SPECC1L: variants seen among roughly 807,000 people sequenced by gnomAD.
SPECC1L encodes the protein cytospin-A.
A neutral mutation model predicts 116.8 loss-of-function variants in SPECC1L; 40 were observed. The observed-to-expected ratio is 0.34, with a 90% confidence interval of 0.27 to 0.45. The LOEUF is 0.45. Ranked by LOEUF, SPECC1L falls within the 20% of genes least tolerant of loss-of-function variation. SPECC1L has a pLI of 1.00. For synonymous variants in SPECC1L, 504 were observed against 500.6 expected, an observed-to-expected ratio of 1.01 and a Z score of -0.09; for missense variants, 1,110 against 1,373.6, an observed-to-expected ratio of 0.81 and a Z score of 3.03.
chr22:24,407,680 C>T (rs1321615982), intron 14 of SPECC1L, among the ~76,000 whole-genome samples: 4 of 152,206 alleles, frequency 2.6e-5, no homozygotes, highest in Non-Finnish European at 4.4e-5. Context: ...AAGGATGCCT[C>T]TTTCATCAAG....
chr22:24,316,205 G>C (rs1014805723), intron 4 of SPECC1L, among the ~76,000 whole-genome samples: 6 of 152,022 alleles, frequency 3.9e-5, no homozygotes, highest in Non-Finnish European at 8.8e-5. Context: ...AGATTATTCT[G>C]TCTACTCATT....
chr22:24,381,620 C>T (rs1432236433), intron 14 of SPECC1L, among the ~76,000 whole-genome samples: 2 of 152,004 alleles, frequency 1.3e-5, no homozygotes, highest in Non-Finnish European at 2.9e-5. Context: ...CGTGGTGGCT[C>T]ATGCCTGTAA....
intron 2 of SPECC1L, among the ~76,000 whole-genome samples, chr22:24,301,973 G>A (rs2049388853): frequency 6.6e-6 from 1 of 151,966 alleles, no homozygotes; most frequent in Non-Finnish European, 1.5e-5. Flanking sequence ...GTGAACCCGG[G>A]AGGCGGAGCT....
At chr22:24,278,337 G>A (rs556887395) in intron 2 of SPECC1L, among the ~76,000 whole-genome samples, 2 of 152,282 alleles carry the variant, frequency 1.3e-5, no homozygotes, top group South Asian at 4.1e-4. Flanking sequence ...CTGTAGCCTG[G>A]GTGTCAGAGC....
chr22:24,290,183 G>A (rs575122642), intron 2 of SPECC1L, among the ~76,000 whole-genome samples: 1 of 152,324 alleles, frequency 6.6e-6, no homozygotes, highest in African/African-American at 2.4e-5. Flanking sequence ...GGTTGGACAG[G>A]CAGAAAGGAG....
At chr22:24,288,526 A>G (rs988691021) in intron 2 of SPECC1L, among the ~76,000 whole-genome samples, 1 of 151,778 alleles carries the variant, frequency 6.6e-6, no homozygotes, top group African/African-American at 2.4e-5. Flanking sequence ...ATGCTTGTTG[A>G]AAAAAAGACT....
At chr22:24,299,800 G>T (rs1201359704) in intron 2 of SPECC1L, among the ~76,000 whole-genome samples, 1 of 151,574 alleles carries the variant, frequency 6.6e-6, no homozygotes, top group Non-Finnish European at 1.5e-5. Flanking sequence ...TATATTCACA[G>T]TATTGTGCAA....
chr22:24,343,297 A>G (rs972829943), intron 10 of SPECC1L, among the ~76,000 whole-genome samples: 1 of 152,228 alleles, frequency 6.6e-6, no homozygotes, highest in South Asian at 2.1e-4. Flanking sequence ...AAAGCAAGAC[A>G]AGCGTATATA....
chr22:24,346,430 G>A (rs527650500), intron 10 of SPECC1L, among the ~76,000 whole-genome samples: 4 of 152,310 alleles, frequency 2.6e-5, no homozygotes, highest in African/African-American at 4.8e-5. Context: ...ATTAGCAAGC[G>A]GGTGGCAGAA....
intron 11 of SPECC1L, among the ~76,000 whole-genome samples, chr22:24,353,678 C>A (rs1335189400): frequency 6.6e-6 from 1 of 151,922 alleles, no homozygotes; most frequent in East Asian, 1.9e-4. Flanking sequence ...ACAGTGCTAG[C>A]ATAACAGGCA....
At chr22:24,401,896 C>T (rs1464163596) in intron 14 of SPECC1L, among the ~76,000 whole-genome samples, 1 of 152,110 alleles carries the variant, frequency 6.6e-6, no homozygotes, top group East Asian at 1.9e-4. Flanking sequence ...GTGATTCTAG[C>T]GCACAGTGAG....
intron 7 of SPECC1L, among the ~76,000 whole-genome samples, chr22:24,329,723 G>C (rs1009226370): frequency 6.6e-6 from 1 of 152,032 alleles, no homozygotes; most frequent in Non-Finnish European, 1.5e-5. Flanking sequence ...GTTCCTTACC[G>C]CCTCTTTGTA....
intron 6 of SPECC1L, among the ~76,000 whole-genome samples, chr22:24,327,138 C>T (rs1468737604): frequency 6.6e-6 from 1 of 151,650 alleles, no homozygotes; most frequent in African/African-American, 2.4e-5. Context: ...ATTAGCTGGA[C>T]GTGGTGGCAG....
intron 4 of SPECC1L, among the ~76,000 whole-genome samples, chr22:24,315,026 A>G (rs1374286855): frequency 3.3e-5 from 5 of 152,266 alleles, no homozygotes; most frequent in African/African-American, 1.2e-4. Flanking sequence ...ACGTTTATAG[A>G]AAAAGAACTT....
At chr22:24,335,975 CTT>C (rs1026808781) in intron 9 of SPECC1L, among the ~76,000 whole-genome samples, 2 of 151,892 alleles carry the variant, frequency 1.3e-5, no homozygotes, top group African/African-American at 2.4e-5. Flanking sequence ...ATGAAAAACT[CTT>C]ATGTGTATGT....
intron 2 of SPECC1L, among the ~76,000 whole-genome samples, chr22:24,279,525 G>A (rs1225612664): frequency 2.6e-5 from 4 of 151,778 alleles, no homozygotes; most frequent in Non-Finnish European, 4.4e-5. Context: ...ACTGCACCTG[G>A]CCTTAACTTT....
intron 4 of SPECC1L, among the ~76,000 whole-genome samples, chr22:24,314,286 T>C (rs916072389): frequency 3.3e-5 from 5 of 152,162 alleles, no homozygotes; most frequent in Admixed American, 6.5e-5. Flanking sequence ...CCTGACCTCG[T>C]GATCTGCCCG....
chr22:24,408,768 C>A (rs1032215745), intron 14 of SPECC1L, among the ~76,000 whole-genome samples: 15 of 152,382 alleles, frequency 9.8e-5, no homozygotes, highest in African/African-American at 3.6e-4. Context: ...TTGGAAGGCT[C>A]ATGCTTTGCA....
intron 2 of SPECC1L, among the ~76,000 whole-genome samples, 194 bp from the exon 3 acceptor site, chr22:24,302,001 G>GT (rs2146403915): frequency 6.6e-6 from 1 of 151,752 alleles, no homozygotes; most frequent in South Asian, 2.1e-4. Context: ...AGCCGAGATA[G>GT]TGCCACTGCA....
Sources: gnomAD v4.1 joint callset for allele counts (sites outside exome capture counted in the v4.1 genomes callset) on GRCh38, gnomAD v4.1.1 for gene constraint, MANE v1.5 for transcripts, NCBI Gene and HGNC (gene_info 2026-07-23, HGNC 2026-07-21) for gene names.